Variants in PDE10A observed in about 807,000 individuals in gnomAD.
PDE10A encodes the protein cAMP and cAMP-inhibited cGMP 3',5'-cyclic phosphodiesterase 10A.
A neutral mutation model predicts 97.7 loss-of-function variants in PDE10A; 39 were observed. The observed-to-expected ratio is 0.40, with a 90% CI of 0.31 to 0.52. PDE10A has a LOEUF of 0.52. Ranked by LOEUF, PDE10A falls within the 20% of genes least tolerant of loss-of-function variation. The probability of loss-of-function intolerance (pLI) is 0.56; values close to 1 mark genes in which losing one functional copy is unlikely to be tolerated. For missense variants in PDE10A, 731 were observed against 1,047.8 expected, an observed-to-expected ratio of 0.70 and a Z score of 4.17; for synonymous variants, 371 against 376.8, an observed-to-expected ratio of 0.98 and a Z score of 0.18.
intron 1 of PDE10A, among the ~76,000 whole-genome samples, chr6:165,767,457 G>A (rs1249765702): frequency 6.6e-6 from 1 of 152,154 alleles, no homozygotes; most frequent in Non-Finnish European, 1.5e-5. Flanking sequence ...CCTGCACCCT[G>A]TCCCTGGCAA....
chr6:165,498,475 A>AGAGTAAGAG (rs911908607), intron 2 of PDE10A, among the ~76,000 whole-genome samples: 1 of 144,096 alleles, frequency 6.9e-6, no homozygotes, highest in African/African-American at 2.5e-5. Context: ...AATCAGTAAC[A>AGAGTAAGAG]GAGTAAGAGT....
chr6:165,471,413 T>A (rs1349201089), intron 3 of PDE10A, among the ~76,000 whole-genome samples: 1 of 152,146 alleles, frequency 6.6e-6, no homozygotes, highest in Non-Finnish European at 1.5e-5. Context: ...ACTAATGATC[T>A]CAAATTTATA....
intron 1 of PDE10A, among the ~76,000 whole-genome samples, chr6:165,734,033 G>A (rs117917016): frequency 6.6e-6 from 1 of 152,296 alleles, no homozygotes; most frequent in Non-Finnish European, 1.5e-5. Context: ...AGGGAGCTGA[G>A]CAGCTGCCTG....
At chr6:165,458,526 C>T (rs78073037) in intron 3 of PDE10A, among the ~76,000 whole-genome samples, 14,912 of 152,140 alleles carry the variant, frequency 0.098, 886 homozygotes, top group Middle Eastern at 0.19. Flanking sequence ...ATGTTTATTA[C>T]GCCACCAGTC....
At chr6:165,613,327 A>G (rs1202186811) in intron 1 of PDE10A, among the ~76,000 whole-genome samples, 1 of 152,172 alleles carries the variant, frequency 6.6e-6, no homozygotes, top group Non-Finnish European at 1.5e-5. Flanking sequence ...AGGAAGCCAT[A>G]GAATTTCAGA....
intron 1 of PDE10A, among the ~76,000 whole-genome samples, chr6:165,701,358 T>G (rs986822145): frequency 3.3e-5 from 5 of 152,226 alleles, no homozygotes; most frequent in Non-Finnish European, 7.3e-5. Flanking sequence ...TTTGCCACTG[T>G]CACTGTTCTT....
intron 1 of PDE10A, among the ~76,000 whole-genome samples, chr6:165,760,666 T>C (rs987046933): frequency 1.3e-5 from 2 of 152,228 alleles, no homozygotes; most frequent in African/African-American, 4.8e-5. Context: ...TAAGGGCTAA[T>C]GCTGGCTGAA....
At chr6:165,929,884 T>C (rs1296737715) in intron 1 of PDE10A, among the ~76,000 whole-genome samples, 1 of 148,152 alleles carries the variant, frequency 6.7e-6, no homozygotes, top group African/African-American at 2.5e-5. Context: ...GGGAAGAGAG[T>C]GCTCCCTAAT....
At chr6:165,607,647 A>G (rs1787274656) in intron 1 of PDE10A, among the ~76,000 whole-genome samples, 1 of 152,184 alleles carries the variant, frequency 6.6e-6, no homozygotes, top group East Asian at 1.9e-4. Flanking sequence ...TACCAAGACT[A>G]CAAGTTTCAG....
At chr6:165,607,230 G>C (rs1378482467) in intron 1 of PDE10A, among the ~76,000 whole-genome samples, 1 of 152,164 alleles carries the variant, frequency 6.6e-6, no homozygotes, top group Non-Finnish European at 1.5e-5. Flanking sequence ...GAGTTAATTT[G>C]GACAGCAATG....
intron 1 of PDE10A, among the ~76,000 whole-genome samples, chr6:165,752,754 G>T (rs1212497003): frequency 6.6e-6 from 1 of 152,148 alleles, no homozygotes; most frequent in Non-Finnish European, 1.5e-5. Flanking sequence ...TTTACAAAAT[G>T]CTCATGTATT....
At chr6:165,845,560 T>G (rs1378663152) in intron 1 of PDE10A, among the ~76,000 whole-genome samples, 1 of 152,180 alleles carries the variant, frequency 6.6e-6, no homozygotes, top group Non-Finnish European at 1.5e-5. Context: ...ACAGTGCTAG[T>G]GCTAATCAGT....
At chr6:165,775,965 T>C (rs1247081375) in intron 1 of PDE10A, among the ~76,000 whole-genome samples, 5 of 152,234 alleles carry the variant, frequency 3.3e-5, no homozygotes, top group Admixed American at 1.3e-4. Context: ...ACTTGAATAA[T>C]AAATTTAATC....
intron 1 of PDE10A, among the ~76,000 whole-genome samples, chr6:165,832,223 G>C (rs1779941271): frequency 6.6e-6 from 1 of 152,068 alleles, no homozygotes; most frequent in Admixed American, 6.6e-5. Context: ...CCTGTCACAA[G>C]CAACTGCAGC....
chr6:165,553,622 C>T (rs1583527469), intron 1 of PDE10A, among the ~76,000 whole-genome samples: 1 of 152,130 alleles, frequency 6.6e-6, no homozygotes. Context: ...ACTTATTTCA[C>T]GTGAATTAAC....
chr6:165,500,871 T>C (rs1467467909), intron 2 of PDE10A, among the ~76,000 whole-genome samples: 1 of 152,170 alleles, frequency 6.6e-6, no homozygotes, highest in Non-Finnish European at 1.5e-5. Flanking sequence ...TGAGACATGC[T>C]GAAGGCAATA....
chr6:165,959,366 C>T (rs1038715321), intron 1 of PDE10A, among the ~76,000 whole-genome samples: 15 of 152,154 alleles, frequency 9.9e-5, no homozygotes, highest in Admixed American at 7.9e-4. Flanking sequence ...ACTGCAAAGT[C>T]CTGGCTTTTC....
chr6:165,774,830 T>G (rs867596277), intron 1 of PDE10A: 1 of 56,986 alleles, frequency 1.8e-5, no homozygotes, highest in Admixed American at 3.1e-4. Flanking sequence ...TACTTTTTTT[T>G]CTTTTTTTTT....
intron 2 of PDE10A, among the ~76,000 whole-genome samples, chr6:165,542,609 G>GTTTTTTTT (rs1783506131): frequency 1.0e-5 from 1 of 95,916 alleles, no homozygotes; most frequent in Non-Finnish European, 2.1e-5. Flanking sequence ...AGATGTCCTT[G>GTTTTTTTT]TTCTTTTTTT....
Sources: gnomAD v4.1 joint callset for allele counts (sites outside exome capture counted in the v4.1 genomes callset) on GRCh38, gnomAD v4.1.1 for gene constraint, MANE v1.5 for transcripts, NCBI Gene and HGNC (gene_info 2026-07-23, HGNC 2026-07-21) for gene names.